Variants in PHACTR1 observed in about 807,000 individuals in gnomAD.
PHACTR1 encodes RPEL repeat containing 1.
PHACTR1 carries 16 observed loss-of-function variants against 69.2 expected under a neutral mutation model. That is an observed-to-expected ratio of 0.23 (90% CI 0.16 to 0.35). The LOEUF is 0.35. Among genes scored for constraint, PHACTR1 ranks in the 10% least tolerant of loss-of-function variants. The probability of loss-of-function intolerance (pLI) is 1.00; values close to 1 mark genes in which losing one functional copy is unlikely to be tolerated. For synonymous variants in PHACTR1, 312 were observed against 284.5 expected, an observed-to-expected ratio of 1.10 and a Z score of -0.97; for missense variants, 510 against 734.7, an observed-to-expected ratio of 0.69 and a Z score of 3.54.
At chr6:13,133,122 TC>T (rs1820733454) in intron 5 of PHACTR1, among the ~76,000 whole-genome samples, 1 of 151,654 alleles carries the variant, frequency 6.6e-6, no homozygotes, top group Admixed American at 6.6e-5. Context: ...GAAACTGCTT[TC>T]TTTGCTCCCC....
intron 6 of PHACTR1, among the ~76,000 whole-genome samples, chr6:13,173,045 T>C (rs1451853134): frequency 6.6e-6 from 1 of 152,228 alleles, no homozygotes; most frequent in Non-Finnish European, 1.5e-5. Flanking sequence ...TCTGAAAATA[T>C]AGGTTCCCTG....
At chr6:12,940,956 C>T (rs992883948) in intron 4 of PHACTR1, among the ~76,000 whole-genome samples, 1 of 152,172 alleles carries the variant, frequency 6.6e-6, no homozygotes, top group African/African-American at 2.4e-5. Flanking sequence ...ATAGATTGTC[C>T]TTAGTAATTA....
chr6:13,164,637 CT>C (rs1296256233), intron 6 of PHACTR1, among the ~76,000 whole-genome samples: 1 of 152,156 alleles, frequency 6.6e-6, no homozygotes, highest in Non-Finnish European at 1.5e-5. Context: ...CCTTCCAGTG[CT>C]TTTTACATTA....
chr6:13,167,078 G>T lies in PHACTR1; in HGVS notation c.496+6794G>T, dbSNP rs960208997. Among the ~76,000 whole-genome samples, 5 of 152,268 alleles carry T rather than the reference G, an allele frequency of 3.3e-5. No individual in the cohort carries two copies. In the East Asian group the frequency reaches 9.6e-4, roughly 29 times the overall value. Reference sequence around the variant, plus strand: ...CAGGAAGCAGCTGAAGCCCAGAAAGGTTATTGATGTAACCTAAGTCACAGC... The same window carrying T: ...CAGGAAGCAGCTGAAGCCCAGAAAGTTTATTGATGTAACCTAAGTCACAGC... On this transcript the variant is annotated intron_variant, in intron 6 of 14. Transcript: ENST00000332995.
chr6:12,765,558 A>C (rs1186225692), intron 4 of PHACTR1, among the ~76,000 whole-genome samples: 1 of 152,148 alleles, frequency 6.6e-6, no homozygotes, highest in Non-Finnish European at 1.5e-5. Context: ...ACATCTTCAT[A>C]TATCTGGTCC....
chr6:13,166,303 T>C (rs1366871231), intron 6 of PHACTR1, among the ~76,000 whole-genome samples: 1 of 152,218 alleles, frequency 6.6e-6, no homozygotes, highest in African/African-American at 2.4e-5. Context: ...ACCTTCCACC[T>C]TCAGACGCCT....
Position 13,283,500 on chromosome 6 carries a change from G to C in PHACTR1, c.1588G>C (p.Asp530His). The C allele has an allele frequency of 6.2e-7, 1 of 1,613,936 alleles. No individual in the cohort carries two copies. The highest frequency in any genetic ancestry group is 8.5e-7 in the Non-Finnish European group (1 of 1,179,876). The stretch of plus-strand genomic sequence containing the variant: ...CTTCAGTGACTACGTGGAGGTGGCT[G>C]ACGCTCAGGACTATGACCGCAGGGC... ...IRFSDYVEVA[D>H]AQDYDRRADK... Residue 530 changes from aspartate to histidine, a missense_variant, in exon 13 of 15, where the codon GAC (aspartate) becomes CAC (histidine). Asp to His is a moderately conservative substitution (Grantham distance 81, BLOSUM62 -1). Around this residue, in one of 2 missense-constraint regions of PHACTR1, gnomAD observed 91 missense variants for 203.8 expected, o/e 0.45. Transcript: ENST00000332995. This position sits in a 1 kb window ranked among gnomAD's most constrained non-coding sequence, Gnocchi z 4.7.
intron 5 of PHACTR1, among the ~76,000 whole-genome samples, chr6:13,156,801 C>T (rs1400160519): frequency 6.6e-6 from 1 of 152,142 alleles, no homozygotes. Context: ...AGGTATCCTC[C>T]TTGGCCTTTC....
intron 4 of PHACTR1, among the ~76,000 whole-genome samples, chr6:13,028,016 C>G (rs1424673080): frequency 6.6e-6 from 1 of 152,198 alleles, no homozygotes; most frequent in Non-Finnish European, 1.5e-5. Context: ...CTGAGCGGAA[C>G]AAAGTTAAGC....
At chr6:13,141,083 A>C (rs1822366452) in intron 5 of PHACTR1, among the ~76,000 whole-genome samples, 1 of 152,158 alleles carries the variant, frequency 6.6e-6, no homozygotes. Context: ...AGTCCCTTTT[A>C]TGAGTATGCC....
intron 4 of PHACTR1, among the ~76,000 whole-genome samples, chr6:12,756,940 A>C (rs2127604411): frequency 6.6e-6 from 1 of 152,072 alleles, no homozygotes; most frequent in Admixed American, 6.6e-5. Context: ...ACCGTTTTTT[A>C]GGCACTTGAG....
chr6:12,774,939 A>C (rs995413017), intron 4 of PHACTR1, among the ~76,000 whole-genome samples: 1 of 152,230 alleles, frequency 6.6e-6, no homozygotes, highest in African/African-American at 2.4e-5. Context: ...AGTCACTTCT[A>C]GAACATGGCT....
intron 4 of PHACTR1, among the ~76,000 whole-genome samples, chr6:12,753,044 G>T (rs1034118666): frequency 1.3e-5 from 2 of 152,138 alleles, no homozygotes; most frequent in African/African-American, 2.4e-5. Context: ...TCTGTCGAAG[G>T]TTACCCAGAC....
intron 13 of PHACTR1, among the ~76,000 whole-genome samples, chr6:13,285,066 C>T (rs1323483397): frequency 6.6e-6 from 1 of 152,222 alleles, no homozygotes; most frequent in African/African-American, 2.4e-5. Flanking sequence ...CACTCTTGTC[C>T]TCTCCTGTCC....
chr6:13,281,635 G>C (rs1172783091), intron 12 of PHACTR1: 1 of 163,352 alleles, frequency 6.1e-6, no homozygotes, highest in Non-Finnish European at 1.4e-5. Context: ...GAGGAACACA[G>C]ACAGGATTCT....
chr6:12,994,654 G>A (rs1336942649), intron 4 of PHACTR1, among the ~76,000 whole-genome samples: 1 of 152,126 alleles, frequency 6.6e-6, no homozygotes, highest in Non-Finnish European at 1.5e-5. Flanking sequence ...AGGGGAATGG[G>A]AAGGCTTAAG....
At chr6:13,147,158 T>C (rs1050231264) in intron 5 of PHACTR1, among the ~76,000 whole-genome samples, 7 of 152,226 alleles carry the variant, frequency 4.6e-5, no homozygotes, top group African/African-American at 1.7e-4. Flanking sequence ...TCAAGTCATG[T>C]TTTACCACGT....
At chr6:13,100,373 G>A (rs947416305) in intron 5 of PHACTR1, among the ~76,000 whole-genome samples, 4 of 152,116 alleles carry the variant, frequency 2.6e-5, no homozygotes, top group South Asian at 2.1e-4. Context: ...AACCCCAACC[G>A]TTAAACTTGA....
intron 8 of PHACTR1, among the ~76,000 whole-genome samples, chr6:13,224,803 G>A (rs1769316723): frequency 6.6e-6 from 1 of 152,172 alleles, no homozygotes; most frequent in African/African-American, 2.4e-5. Flanking sequence ...AGTTCTCATG[G>A]GTGAGGCTCT....
Sources: gnomAD v4.1 joint callset for allele counts (sites outside exome capture counted in the v4.1 genomes callset) on GRCh38, gnomAD v4.1.1 for gene constraint, gnomAD v4.1.1 regional missense constraint, Gnocchi (gnomAD v3.1) non-coding constraint, MANE v1.5 for transcripts, NCBI Gene and HGNC (gene_info 2026-07-23, HGNC 2026-07-21) for gene names.